SERPINB12: variants seen among roughly 807,000 people sequenced by gnomAD.
SERPINB12 encodes serpin B12.
In SERPINB12, 57 loss-of-function variants were observed where a neutral mutation model predicts 41.1. That is an observed-to-expected ratio of 1.39 (90% confidence interval 1.12 to 1.73). The LOEUF (loss-of-function observed/expected upper bound fraction) is 1.73. SERPINB12 is among the 40% of genes most tolerant of loss of function. The pLI, the probability that SERPINB12 is intolerant of heterozygous loss-of-function variation, is 0.00. For missense variants in SERPINB12, 536 were observed against 501.9 expected (o/e 1.07, Z -0.65); for synonymous variants, 180 against 181.3 (o/e 0.99, Z 0.06).
intron 5 of SERPINB12, among the ~76,000 whole-genome samples, chr18:63,562,124 G>A (rs1417295759): frequency 6.6e-6 from 1 of 152,120 alleles, no homozygotes; most frequent in Non-Finnish European, 1.5e-5. Flanking sequence ...GGTCTTGCTG[G>A]CTCTGGGCGG....
chr18:63,554,242 G>T (rs1300848335), intron 1 of SERPINB12, among the ~76,000 whole-genome samples: 6 of 152,048 alleles, frequency 3.9e-5, no homozygotes, highest in Admixed American at 3.9e-4. Flanking sequence ...CTTAGTTTGG[G>T]GCCAAATATA....
At chr18:63,544,017 C>T (rs555345898) in intron 1 of SERPINB12, among the ~76,000 whole-genome samples, 1 of 152,228 alleles carries the variant, frequency 6.6e-6, no homozygotes, top group Non-Finnish European at 1.5e-5. Flanking sequence ...ATAAAAACTT[C>T]AAAGGTTTTA....
At position 63,568,880 on chromosome 18, in the gene SERPINB12, A is replaced by G. The variant is rs905660246; in HGVS notation, c.*1869A>G. On this transcript the variant is annotated 3_prime_UTR_variant, in exon 8 of 8. Transcript: ENST00000382768. ...CATTGTTGAAGCTCACTTACGACCT[A>G]AAACAATTTGACGTTGGTAACGTGA... 3.9e-5 allele frequency among the ~76,000 whole-genome samples: 6 copies of G among 152,184 alleles called. No individual in the cohort carries two copies. The highest frequency in any genetic ancestry group is 7.3e-5 in the Non-Finnish European group (5 of 68,030).
the SERPINB12 span, among the ~76,000 whole-genome samples, chr18:63,521,763 A>C: frequency 1.3e-5 from 2 of 152,232 alleles, no homozygotes; most frequent in Non-Finnish European, 2.9e-5. Context: ...CACCTCCAGT[A>C]ATGGAATTAG....
chr18:63,540,849 A>G (rs1210074807), upstream of SERPINB12, among the ~76,000 whole-genome samples: 1 of 152,200 alleles, frequency 6.6e-6, no homozygotes, highest in Non-Finnish European at 1.5e-5. Context: ...TTGGAATTTT[A>G]AAATATGAAG....
chr18:63,548,042 A>G (rs1373791738), intron 1 of SERPINB12, among the ~76,000 whole-genome samples: 1 of 152,164 alleles, frequency 6.6e-6, no homozygotes, highest in African/African-American at 2.4e-5. Flanking sequence ...ATGATTTGGA[A>G]GTAAAGACAT....
intron 3 of SERPINB12, 71 bp downstream of exon 3, chr18:63,558,557 G>A: frequency 6.7e-7 from 1 of 1,491,684 alleles, no homozygotes; most frequent in South Asian, 1.3e-5. Context: ...TAGGATATTT[G>A]GTGATAGTTG....
At chr18:63,558,162 C>T (rs1030813557) in intron 2 of SERPINB12, among the ~76,000 whole-genome samples, 190 bp from the exon 3 acceptor site, 1 of 152,134 alleles carries the variant, frequency 6.6e-6, no homozygotes, top group Non-Finnish European at 1.5e-5. Context: ...CCCAGGGTAG[C>T]GGTTGGTTCT....
chr18:63,521,885 G>A, the SERPINB12 span, among the ~76,000 whole-genome samples: 3 of 152,148 alleles, frequency 2.0e-5, no homozygotes, highest in Non-Finnish European at 4.4e-5. Flanking sequence ...ATCGTTCTTA[G>A]TTGGAGCATT....
the SERPINB12 span, among the ~76,000 whole-genome samples, chr18:63,530,122 T>C: frequency 6.6e-6 from 1 of 152,142 alleles, no homozygotes; most frequent in Non-Finnish European, 1.5e-5. Flanking sequence ...ATGATCTGGG[T>C]GACCTGGGTA....
the SERPINB12 span, among the ~76,000 whole-genome samples, chr18:63,530,411 C>T: frequency 6.6e-6 from 1 of 152,104 alleles, no homozygotes; most frequent in Non-Finnish European, 1.5e-5. Context: ...CCACATGATG[C>T]CCAGGTCTAG....
chr18:63,557,387 A>G, intron 2 of SERPINB12, among the ~76,000 whole-genome samples: 1 of 152,166 alleles, frequency 6.6e-6, no homozygotes, highest in East Asian at 1.9e-4. Context: ...ACATTTCTAG[A>G]ATAAATAAAT....
chr18:63,544,066 A>G (rs1910331087), intron 1 of SERPINB12, among the ~76,000 whole-genome samples: 1 of 152,224 alleles, frequency 6.6e-6, no homozygotes, highest in Non-Finnish European at 1.5e-5. Context: ...AGGGATCAGC[A>G]AACTTTTCAG....
intron 1 of SERPINB12, among the ~76,000 whole-genome samples, chr18:63,553,748 G>T (rs959577860): frequency 1.3e-5 from 2 of 152,102 alleles, no homozygotes; most frequent in Admixed American, 1.3e-4. Flanking sequence ...GAAAGCCTGT[G>T]AAATCCCCCC....
At chr18:63,522,923 G>A in the SERPINB12 span, among the ~76,000 whole-genome samples, 87,576 of 151,908 alleles carry the variant, frequency 0.58, 27,469 homozygotes, top group Middle Eastern at 0.72. Flanking sequence ...TGGAACATTC[G>A]TATCAATAAC....
intron 6 of SERPINB12, among the ~76,000 whole-genome samples, chr18:63,564,400 G>A (rs942575052): frequency 2.6e-5 from 4 of 152,192 alleles, no homozygotes; most frequent in Admixed American, 2.6e-4. Flanking sequence ...AAAAGGAAAG[G>A]CTAAGTTAGC....
chr18:63,568,146 C>T lies in SERPINB12; in HGVS notation c.*1135C>T, dbSNP rs1168984769. ...GCAATCCCAGCACTTCTTGGGAGGC[C>T]GAGTCAGGTGGATCACTTGAGTCCA... is the stretch of plus-strand genomic sequence containing the variant. On this transcript the variant is annotated 3_prime_UTR_variant, in exon 8 of 8. Transcript: ENST00000382768. Among the ~76,000 whole-genome samples, 2 of 152,174 alleles carry T rather than the reference C, an allele frequency of 1.3e-5. No homozygotes were observed. Among genetic ancestry groups the T allele is most frequent in the East Asian group, 3.9e-4 (2 of 5,192 alleles).
At chr18:63,565,379 C>G in intron 6 of SERPINB12, 66 bp from the exon 7 acceptor site, 1 of 1,462,540 alleles carries the variant, frequency 6.8e-7, no homozygotes, top group South Asian at 1.3e-5. Context: ...CTCCGTGAAG[C>G]TGGGGCCATA....
the SERPINB12 span, among the ~76,000 whole-genome samples, chr18:63,536,769 A>G: frequency 1.3e-5 from 2 of 152,146 alleles, no homozygotes; most frequent in Admixed American, 1.3e-4. Flanking sequence ...AAATTATTTC[A>G]TTCACCTATC....
Sources: gnomAD v4.1 joint callset for allele counts (sites outside exome capture counted in the v4.1 genomes callset) on GRCh38, gnomAD v4.1.1 for gene constraint, MANE v1.5 for transcripts, NCBI Gene and HGNC (gene_info 2026-07-23, HGNC 2026-07-21) for gene names.